PPP3CA: variants seen among roughly 807,000 people sequenced by gnomAD.
The protein encoded by PPP3CA is protein phosphatase 3 catalytic subunit alpha, also known as CAM-PRP catalytic subunit.
Under a neutral mutation model 66.5 loss-of-function variants are expected in PPP3CA, and 14 were observed. The observed-to-expected ratio is 0.21, with a 90% confidence interval of 0.14 to 0.33. The LOEUF is 0.33. PPP3CA is among the 10% of genes least tolerant of loss of function. The pLI, the probability that PPP3CA is intolerant of heterozygous loss-of-function variation, is 1.00. For synonymous variants in PPP3CA, 232 were observed against 226.2 expected (o/e 1.03, Z -0.23); for missense variants, 317 against 639.5 (o/e 0.50, Z 5.44).
In PPP3CA at chr4:101,106,380, A is replaced by T. The variant is rs185697898; in HGVS notation, c.384+2574T>A. ...GTCTCATTTAAAAGAGAGAAAAGAA[A>T]GAAAGAAAGAAAGAAAGAAAGAAAG... is the stretch of plus-strand genomic sequence containing the variant. On this transcript the variant is annotated intron_variant, in intron 3 of 13. Transcript: ENST00000394854. Among the ~76,000 whole-genome samples the T allele has an allele frequency of 8.7e-4, 3 of 3,430 alleles. No homozygotes were observed. The South Asian group carries it at 0.038, about 44-fold the overall frequency. The allele number at this position is 3,430 out of a possible 152,430, so 2.3% of individuals were successfully genotyped here.
intron 1 of PPP3CA, among the ~76,000 whole-genome samples, chr4:101,338,784 G>C (rs1241019832): frequency 6.6e-6 from 1 of 152,178 alleles, no homozygotes; most frequent in Non-Finnish European, 1.5e-5. Flanking sequence ...CAGCAGAACA[G>C]GAATGTGTGT....
chr4:101,324,154 G>GGGAGGAAGGGAGGAAGGAAGGAAGGA (rs1729130998), intron 1 of PPP3CA, among the ~76,000 whole-genome samples: 1 of 66,414 alleles, frequency 1.5e-5, no homozygotes, highest in African/African-American at 5.0e-5. Context: ...GGAAGGGAGG[G>GGGAGGAAGGGAGGAAGGAAGGAAGGA]AGGAAGGAAG....
Position 101,268,175 on chromosome 4 carries a change from A to G in PPP3CA, c.59-72059T>C, listed in dbSNP as rs141631688. Among the ~76,000 whole-genome samples the G allele has an allele frequency of 1.8e-4, 28 of 152,300 alleles. 1 individual carries two copies. The East Asian group carries it at 5.2e-3, about 28-fold the overall frequency. On this transcript the variant is annotated intron_variant, in intron 1 of 13. Transcript: ENST00000394854. ...GAACATAGAGAGATCCACTCTCTAAAAAACATAAATAAGTAACAATAACAA... is the reference window on the plus strand; with the variant it reads ...GAACATAGAGAGATCCACTCTCTAAGAAACATAAATAAGTAACAATAACAA...
intron 1 of PPP3CA, among the ~76,000 whole-genome samples, chr4:101,309,037 G>GA (rs1299947781): frequency 6.6e-6 from 1 of 152,090 alleles, no homozygotes; most frequent in Non-Finnish European, 1.5e-5. Flanking sequence ...TGAGGCAGAA[G>GA]AATCACTTAA....
intron 1 of PPP3CA, among the ~76,000 whole-genome samples, chr4:101,307,459 C>T (rs1323492557): frequency 1.3e-5 from 2 of 152,134 alleles, no homozygotes; most frequent in Non-Finnish European, 2.9e-5. Context: ...AGTTGGCTGA[C>T]CTTATCAGCT....
intron 2 of PPP3CA, chr4:101,171,149 G>A: frequency 2.2e-6 from 1 of 455,638 alleles, no homozygotes; most frequent in Non-Finnish European, 4.4e-6. Flanking sequence ...CCTGCCATGT[G>A]TGAAATCTCC....
At position 101,025,846 on chromosome 4, in the gene PPP3CA, A is replaced by ATTT; in HGVS notation, c.*18_*19insAAA. 3.5e-6 allele frequency: 5 copies of ATTT among 1,419,274 alleles called. No homozygotes were observed. The highest frequency in any genetic ancestry group is 4.7e-6 in the Non-Finnish European group (5 of 1,068,090). 87.9% of individuals were successfully genotyped at this position (1,419,274 alleles called of 1,614,324 possible). A position where few individuals can be genotyped will look rare whatever the true frequency, so the allele number is the denominator to read the frequency against. On this transcript the variant is annotated 3_prime_UTR_variant, in exon 14 of 14. Coordinates refer to ENST00000394854, the MANE Select transcript of PPP3CA (RefSeq NM_000944.5). ...AAAAAAAAAAAAAAAAAAAAAAAAA[A>ATTT]AAAGTGAACAGGAAGTGGTCACTGA...
intron 1 of PPP3CA, among the ~76,000 whole-genome samples, chr4:101,314,428 G>A (rs1463013375): frequency 1.3e-5 from 2 of 151,918 alleles, no homozygotes; most frequent in South Asian, 2.1e-4. Context: ...GCTGGGCATG[G>A]TGGCGGGCAC....
intron 1 of PPP3CA, among the ~76,000 whole-genome samples, chr4:101,280,568 C>T (rs542607817): frequency 6.6e-6 from 1 of 152,154 alleles, no homozygotes; most frequent in East Asian, 1.9e-4. Flanking sequence ...GCCTGTAATC[C>T]CAGCACTGTA....
intron 1 of PPP3CA, among the ~76,000 whole-genome samples, chr4:101,292,819 A>C (rs1306854058): frequency 6.6e-6 from 1 of 152,208 alleles, no homozygotes; most frequent in Non-Finnish European, 1.5e-5. Context: ...AGCTAATGTG[A>C]TTCAAAAGGG....
intron 2 of PPP3CA, among the ~76,000 whole-genome samples, chr4:101,158,002 T>G (rs1723380799): frequency 2.0e-5 from 3 of 152,152 alleles, no homozygotes; most frequent in Admixed American, 2.0e-4. Flanking sequence ...GATGTCATAT[T>G]GATATACATC....
intron 1 of PPP3CA, among the ~76,000 whole-genome samples, chr4:101,273,830 G>A (rs997382877): frequency 6.6e-6 from 1 of 151,770 alleles, no homozygotes; most frequent in East Asian, 1.9e-4. Flanking sequence ...AAAATAAAAC[G>A]GTCAACATTG....
At chr4:101,298,778 T>C (rs1465753608) in intron 1 of PPP3CA, among the ~76,000 whole-genome samples, 3 of 151,620 alleles carry the variant, frequency 2.0e-5, no homozygotes, top group Non-Finnish European at 4.4e-5. Context: ...TTAAAACTTA[T>C]GCATGAATTT....
chr4:101,151,942 C>A (rs182444944), intron 2 of PPP3CA, among the ~76,000 whole-genome samples: 56 of 152,168 alleles, frequency 3.7e-4, no homozygotes, highest in African/African-American at 1.3e-3. Context: ...AGGCGTGAGC[C>A]ACTGCACCCA....
At chr4:101,028,410 C>T (rs1159909087) in intron 13 of PPP3CA, among the ~76,000 whole-genome samples, 5 of 152,204 alleles carry the variant, frequency 3.3e-5, no homozygotes, top group South Asian at 2.1e-4. Flanking sequence ...TGCTAGAACA[C>T]AGCTGGAGAT....
chr4:101,272,699 A>G (rs1349310954), intron 1 of PPP3CA, among the ~76,000 whole-genome samples: 1 of 152,228 alleles, frequency 6.6e-6, no homozygotes, highest in East Asian at 1.9e-4. Flanking sequence ...AAATGCATTA[A>G]TATCTACAAA....
intron 1 of PPP3CA, among the ~76,000 whole-genome samples, chr4:101,211,770 A>T (rs995212653): frequency 6.6e-6 from 1 of 152,052 alleles, no homozygotes; most frequent in African/African-American, 2.4e-5. Flanking sequence ...CTCTGCCTTT[A>T]CTCTTTAAAA....
At chr4:101,314,116 T>G (rs775451188) in intron 1 of PPP3CA, among the ~76,000 whole-genome samples, 1 of 152,180 alleles carries the variant, frequency 6.6e-6, no homozygotes, top group Non-Finnish European at 1.5e-5. Context: ...TACCCTATGT[T>G]TAAAACTGGG....
rs181259355 is a variant in PPP3CA, at chr4:101,087,469, T to G, written c.783-4206A>C. ...ACCCCAGAAACTCCTCATATTTCTC[T>G]TACTGTCACCTCCTCTCTATGGGTA... On this transcript the variant is annotated intron_variant, in intron 6 of 13. Coordinates refer to ENST00000394854, the MANE Select transcript of PPP3CA (RefSeq NM_000944.5). 4.6e-5 allele frequency among the ~76,000 whole-genome samples: 7 copies of G among 152,298 alleles called. No individual in the cohort carries two copies. In the East Asian group the frequency reaches 1.4e-3, roughly 29 times the overall value.
Sources: allele counts gnomAD v4.1 joint callset (sites outside exome capture counted in the v4.1 genomes callset), GRCh38; gene constraint gnomAD v4.1.1; transcripts MANE v1.5; gene names NCBI Gene and HGNC (gene_info 2026-07-23, HGNC 2026-07-21).